BCHE: variants seen among roughly 807,000 people sequenced by gnomAD.
The protein encoded by BCHE is cholinesterase.
In BCHE, 48 loss-of-function variants were observed where a neutral mutation model predicts 51.3. That is an observed-to-expected ratio of 0.94 (90% CI 0.74 to 1.19). BCHE has a LOEUF of 1.19. Ranked by LOEUF, BCHE falls within the 50% of genes most tolerant of loss-of-function variation. The pLI is 0.00. For missense variants in BCHE, 847 were observed against 708.2 expected, an observed-to-expected ratio of 1.20 and a Z score of -2.23; for synonymous variants, 251 against 238.0, an observed-to-expected ratio of 1.05 and a Z score of -0.50.
chr3:165,829,860 A>G lies in BCHE; in HGVS notation c.1174T>C (p.Phe392Leu), dbSNP rs1349421258. The change falls in exon 2 of 4, where the codon TTT becomes CTT. Residue 392 changes from phenylalanine (F) to leucine (L), a missense_variant. By Grantham distance (22) the Phe-to-Leu change is conservative. Transcript: ENST00000264381. ...TGAAAAAGGATGGATTCCTTTCCAA[A>G]CTCACTCACTCCTGGAAAAAATATT... ...LKIFFPGVSE[F>L]GKESILFHYT... The G allele has an allele frequency of 6.2e-7, 1 of 1,612,364 alleles. No individual in the cohort carries two copies. Among genetic ancestry groups the G allele is most frequent in the African/African-American group, 1.3e-5 (1 of 74,802 alleles).
intron 2 of BCHE, 43 bp downstream of exon 2, chr3:165,829,474 G>A (rs867859622): frequency 1.3e-6 from 2 of 1,544,466 alleles, no homozygotes; most frequent in Middle Eastern, 1.7e-4. Context: ...AAGCAAAACG[G>A]ATCAAACCAA....
chr3:165,803,212 G>A (rs1170645604), intron 2 of BCHE, among the ~76,000 whole-genome samples: 1 of 152,120 alleles, frequency 6.6e-6, no homozygotes, highest in Non-Finnish European at 1.5e-5. Flanking sequence ...TAATAATGTC[G>A]TAGGTACTGG....
intron 2 of BCHE, among the ~76,000 whole-genome samples, chr3:165,812,407 A>G (rs921888448): frequency 8.6e-5 from 13 of 151,782 alleles, no homozygotes; most frequent in African/African-American, 3.1e-4. Context: ...ATCTATTCTT[A>G]TTGGCATGAT....
chr3:165,821,994 G>A (rs1714542363), intron 2 of BCHE, among the ~76,000 whole-genome samples: 1 of 151,838 alleles, frequency 6.6e-6, no homozygotes, highest in African/African-American at 2.4e-5. Context: ...TAAAGTGTAA[G>A]GGAATAAATA....
chr3:165,814,491 C>T (rs2108224232), intron 2 of BCHE, among the ~76,000 whole-genome samples: 1 of 152,102 alleles, frequency 6.6e-6, no homozygotes, highest in Admixed American at 6.6e-5. Context: ...CCTTACTTTC[C>T]TCAGCTCACT....
chr3:165,826,281 C>A (rs1714718083), intron 2 of BCHE, among the ~76,000 whole-genome samples: 1 of 152,044 alleles, frequency 6.6e-6, no homozygotes, highest in South Asian at 2.1e-4. Context: ...AGTAGTGGTA[C>A]AATCATCCAT....
Position 165,830,567 on chromosome 3 carries a change from TA to T in BCHE, c.466del (p.Tyr156MetfsTer14). ...FQTGTSSLHV[Y>X]DGKFLARVER... ...AACCCGAGCCAGAAACTTGCCATCA[TA>T]AACATGTAAAGATGATGTTCCAGTT... On this transcript the variant is annotated frameshift_variant, in exon 2 of 4. Coordinates refer to ENST00000264381, the MANE Select transcript of BCHE (RefSeq NM_000055.4). LOFTEE classifies it high-confidence loss of function. 6.2e-7 allele frequency: 1 copy of T among 1,614,006 alleles called. No individual in the cohort carries two copies. Among genetic ancestry groups the T allele is most frequent in the Non-Finnish European group, 8.5e-7 (1 of 1,179,952 alleles).
At chr3:165,796,572 A>C (rs1713385564) in intron 2 of BCHE, among the ~76,000 whole-genome samples, 1 of 152,216 alleles carries the variant, frequency 6.6e-6, no homozygotes, top group African/African-American at 2.4e-5. Flanking sequence ...AATCCAAATC[A>C]AAATCTTCAC....
chr3:165,801,757 T>C (rs142433954), intron 2 of BCHE, among the ~76,000 whole-genome samples: 289 of 152,272 alleles, frequency 1.9e-3, no homozygotes, highest in African/African-American at 6.7e-3. Flanking sequence ...AAAAGTCAAA[T>C]GACCATTCAG....
intron 2 of BCHE, among the ~76,000 whole-genome samples, chr3:165,821,021 A>G (rs929943796): frequency 5.9e-5 from 4 of 67,490 alleles, no homozygotes; most frequent in African/African-American, 2.1e-4. Flanking sequence ...CTTCTATGGA[A>G]CACAATTTTC....
At chr3:165,775,666 A>C (rs2668206) in intron 3 of BCHE, among the ~76,000 whole-genome samples, 77,917 of 151,478 alleles carry the variant, frequency 0.51, 23,570 homozygotes, top group East Asian at 0.66. Flanking sequence ...GATTTACATA[A>C]ATTTACATTT....
chr3:165,791,296 G>C (rs939684472), intron 2 of BCHE, among the ~76,000 whole-genome samples: 1 of 151,770 alleles, frequency 6.6e-6, no homozygotes, highest in Non-Finnish European at 1.5e-5. Context: ...CTCCATCTTG[G>C]GGGGCGGGCG....
chr3:165,814,550 A>G (rs986468035), intron 2 of BCHE, among the ~76,000 whole-genome samples: 1 of 152,076 alleles, frequency 6.6e-6, no homozygotes, highest in African/African-American at 2.4e-5. Context: ...TGCCTAGCCA[A>G]GGGCCAATCT....
At chr3:165,803,163 T>C (rs570447095) in intron 2 of BCHE, among the ~76,000 whole-genome samples, 316 of 152,304 alleles carry the variant, frequency 2.1e-3, no homozygotes, top group African/African-American at 7.0e-3. Context: ...TAATTAATCA[T>C]ATATTCAAAA....
At chr3:165,774,200 C>T (rs1360019893) in intron 3 of BCHE, among the ~76,000 whole-genome samples, 4 of 152,122 alleles carry the variant, frequency 2.6e-5, no homozygotes, top group South Asian at 2.1e-4. Context: ...GTTTTTGACT[C>T]GTGGTTGGTT....
Position 165,773,456 on chromosome 3 carries a change from T to C in BCHE, c.1735A>G (p.Asn579Asp). The C allele has an allele frequency of 6.2e-7, 1 of 1,609,236 alleles. No individual in the cohort carries two copies. The highest frequency in any genetic ancestry group is 8.5e-7 in the Non-Finnish European group (1 of 1,175,908). ...TTTTTCCAGTCCATCATGTAATTGT[T>C]CCAGCGATGGAATCCTGCTTTCCAC... Reference protein sequence around the residue: ...WEWKAGFHRWNNYMMDWKNQF... With the variant: ...WEWKAGFHRWDNYMMDWKNQF... Residue 579 changes from asparagine (N) to aspartate (D), a missense_variant, in exon 4 of 4, where the codon AAC becomes GAC. Asn to Asp is a conservative substitution (Grantham distance 23, BLOSUM62 1). Coordinates refer to ENST00000264381, the MANE Select transcript of BCHE (RefSeq NM_000055.4).
At chr3:165,814,674 T>C (rs1482738244) in intron 2 of BCHE, among the ~76,000 whole-genome samples, 1 of 152,006 alleles carries the variant, frequency 6.6e-6, no homozygotes, top group Non-Finnish European at 1.5e-5. Flanking sequence ...TTTGCTGAAC[T>C]TCTCTAAACT....
In BCHE at chr3:165,836,530, A is replaced by G. The variant is rs7653721; in HGVS notation, c.-9+784T>C. Among the ~76,000 whole-genome samples the G allele has an allele frequency of 6.3e-3, 958 of 152,128 alleles. 6 individuals carry two copies. Among genetic ancestry groups the G allele is most frequent in the African/African-American group, 0.022 (894 of 41,554 alleles). ...TTTCAGTTTACTTTTAGTCATTCAT[A>G]GATTTTATAATCCTTAATATTTAAT... On this transcript the variant is annotated intron_variant, in intron 1 of 3. Coordinates refer to ENST00000264381, the MANE Select transcript of BCHE (RefSeq NM_000055.4).
At chr3:165,802,794 T>C (rs1177084095) in intron 2 of BCHE, among the ~76,000 whole-genome samples, 1 of 152,102 alleles carries the variant, frequency 6.6e-6, no homozygotes, top group Non-Finnish European at 1.5e-5. Flanking sequence ...CAGGCTGGAG[T>C]ACCGTGGCGC....
Sources: gnomAD v4.1 joint callset for allele counts (sites outside exome capture counted in the v4.1 genomes callset) on GRCh38, gnomAD v4.1.1 for gene constraint, MANE v1.5 for transcripts, NCBI Gene and HGNC (gene_info 2026-07-23, HGNC 2026-07-21) for gene names.